BTBD7: variants seen among roughly 807,000 people sequenced by gnomAD.
BTBD7 encodes BTB/POZ domain-containing protein 7.
A neutral mutation model predicts 99.9 loss-of-function variants in BTBD7; 38 were observed. The ratio of observed to expected loss-of-function variants is 0.38; its 90% CI spans 0.29 to 0.50. BTBD7 has a LOEUF of 0.50. Among genes scored for constraint, BTBD7 ranks in the 20% least tolerant of loss-of-function variants. The pLI is 0.93. For missense variants in BTBD7, 1,170 were observed against 1,394.6 expected, an observed-to-expected ratio of 0.84 and a Z score of 2.57; for synonymous variants, 520 against 511.4, an observed-to-expected ratio of 1.02 and a Z score of -0.23.
intron 3 of BTBD7, among the ~76,000 whole-genome samples, chr14:93,282,481 C>T (rs1425784379): frequency 2.0e-5 from 3 of 151,910 alleles, no homozygotes; most frequent in Admixed American, 1.3e-4. Flanking sequence ...TACAGGCATC[C>T]GCCACCACAC....
intron 1 of BTBD7, among the ~76,000 whole-genome samples, chr14:93,313,375 G>A (rs537197863): frequency 2.0e-5 from 3 of 152,288 alleles, no homozygotes; most frequent in Non-Finnish European, 4.4e-5. Flanking sequence ...TGCAAATGAA[G>A]ATTAGTTAGT....
Position 93,238,325 on chromosome 14 carries a change from GACA to G in BTBD7, c.*3945_*3947del, listed in dbSNP as rs1392044690. 1.3e-5 allele frequency: 2 copies of G among 152,444 alleles called. No homozygotes were observed. Among genetic ancestry groups the G allele is most frequent in the African/African-American group, 2.4e-5 (1 of 41,420 alleles). The allele number at this position is 152,444 out of a possible 1,614,324, so 9.4% of individuals were successfully genotyped here. A position where few individuals can be genotyped will look rare whatever the true frequency, so the allele number is the denominator to read the frequency against. ...GATATGACAATCTACAGGACAAAAAGACAACATGTCACCAAATATTGTTCATAC... is the reference window on the plus strand; with the variant it reads ...GATATGACAATCTACAGGACAAAAAGACATGTCACCAAATATTGTTCATAC... On this transcript the variant is annotated 3_prime_UTR_variant, in exon 11 of 11. Coordinates refer to ENST00000334746, the MANE Select transcript of BTBD7 (RefSeq NM_001002860.4).
intron 1 of BTBD7, among the ~76,000 whole-genome samples, chr14:93,300,635 A>G (rs2052983319): frequency 6.6e-6 from 1 of 150,766 alleles, no homozygotes; most frequent in Non-Finnish European, 1.5e-5. Context: ...TCCCAGGCTC[A>G]ACCAATCCTC....
At chr14:93,327,549 T>C (rs2139835460) in intron 1 of BTBD7, among the ~76,000 whole-genome samples, 1 of 152,320 alleles carries the variant, frequency 6.6e-6, no homozygotes, top group Non-Finnish European at 1.5e-5. Context: ...AAATTCTTTC[T>C]TTTCAGCACC....
chr14:93,320,211 C>T (rs1245323641), intron 1 of BTBD7, among the ~76,000 whole-genome samples: 4 of 152,120 alleles, frequency 2.6e-5, no homozygotes, highest in Non-Finnish European at 5.9e-5. Context: ...AGTAAGTGGA[C>T]AGAATGATGT....
chr14:93,330,585 T>C (rs574608057), intron 1 of BTBD7, among the ~76,000 whole-genome samples: 1 of 152,362 alleles, frequency 6.6e-6, no homozygotes, highest in East Asian at 1.9e-4. Flanking sequence ...CAATAAGAAC[T>C]TGAGGGAAAA....
At chr14:93,252,861 G>A (rs148761314) in intron 7 of BTBD7, among the ~76,000 whole-genome samples, 7 of 150,482 alleles carry the variant, frequency 4.7e-5, no homozygotes, top group South Asian at 2.1e-4. Context: ...TTACTCTGTC[G>A]CCCAGGTTGG....
chr14:93,306,005 C>T lies in BTBD7; in HGVS notation c.-106-9848G>A, dbSNP rs1012408217. On this transcript the variant is annotated intron_variant, in intron 1 of 10. Coordinates refer to ENST00000334746, the MANE Select transcript of BTBD7 (RefSeq NM_001002860.4). ...TCCTAATTACTTTCCAAAGGCCCTA[C>T]GTTCAACTGACATACAGATTTGGGG... Among the ~76,000 whole-genome samples, 6 of 152,310 alleles carry T rather than the reference C, an allele frequency of 3.9e-5. No homozygotes were observed. In the South Asian group the frequency reaches 6.2e-4, roughly 16 times the overall value.
chr14:93,243,900 A>G (rs1331283653), intron 10 of BTBD7: 1 of 158,892 alleles, frequency 6.3e-6, no homozygotes, highest in Non-Finnish European at 1.4e-5. Context: ...AATCTGGTTT[A>G]TCAAACATGA....
chr14:93,253,712 G>T lies in BTBD7; in HGVS notation c.1687C>A (p.Arg563=). The T allele has an allele frequency of 1.9e-6, 3 of 1,613,172 alleles. No homozygotes were observed. Among genetic ancestry groups the T allele is most frequent in the Non-Finnish European group, 1.7e-6 (2 of 1,179,448 alleles). ...ACATAGATGCCAGCATTTTTTTGCC[G>T]TAACCAGGCATTTGACTTCCCACCT... The part of the protein sequence containing the change: ...TEGGKSNAWL[R]QKNAGIYVRP... The change falls in exon 7 of 11, where the codon CGG becomes AGG. Residue 563 remains arginine (R), a synonymous_variant. Transcript: ENST00000334746.
intron 3 of BTBD7, among the ~76,000 whole-genome samples, chr14:93,270,118 T>A (rs188393688): frequency 6.6e-6 from 1 of 152,194 alleles, no homozygotes; most frequent in African/African-American, 2.4e-5. Flanking sequence ...TTTTTTGAGA[T>A]GGAGTTTCAC....
rs921567960 is a variant in BTBD7 at position 93,253,642 on chromosome 14, A to G, written c.1752+5T>C. 1 of 1,609,006 alleles carries G rather than the reference A, an allele frequency of 6.2e-7. No homozygotes were observed. Among genetic ancestry groups the G allele is most frequent in the African/African-American group, 1.3e-5 (1 of 74,860 alleles). On this transcript the variant is annotated splice_donor_5th_base_variant and intron_variant, in intron 7 of 10. Coordinates refer to ENST00000334746, the MANE Select transcript of BTBD7 (RefSeq NM_001002860.4). ...AGTCTACTATCTTCAAATGGTTTTC[A>G]TTACCTTTGCTTCTTCCACATAGGG...
At chr14:93,329,585 T>C (rs927897084) in intron 1 of BTBD7, among the ~76,000 whole-genome samples, 1 of 152,096 alleles carries the variant, frequency 6.6e-6, no homozygotes, top group Admixed American at 6.6e-5. Context: ...AATATAAAAA[T>C]AACATACAAT....
intron 5 of BTBD7, among the ~76,000 whole-genome samples, chr14:93,259,303 T>C (rs1190378421): frequency 6.6e-6 from 1 of 152,196 alleles, no homozygotes; most frequent in East Asian, 1.9e-4. Context: ...ATGTATTATC[T>C]CTGTATGGCA....
At chr14:93,297,308 A>G (rs923328726) in intron 1 of BTBD7, among the ~76,000 whole-genome samples, 3 of 152,236 alleles carry the variant, frequency 2.0e-5, no homozygotes, top group African/African-American at 7.2e-5. Flanking sequence ...AATCTTTTAT[A>G]GACTATATTT....
chr14:93,281,568 A>C (rs2052720426), intron 3 of BTBD7, among the ~76,000 whole-genome samples: 1 of 152,246 alleles, frequency 6.6e-6, no homozygotes, highest in African/African-American at 2.4e-5. Context: ...TAACTTAAAA[A>C]ACATCAGTTA....
At chr14:93,254,041 G>A (rs1030968598) in intron 6 of BTBD7, among the ~76,000 whole-genome samples, 3 of 151,480 alleles carry the variant, frequency 2.0e-5, no homozygotes, top group African/African-American at 4.9e-5. Context: ...GGATTCAAGC[G>A]ATTCTCCTGC....
chr14:93,262,429 T>C (rs971851210), intron 4 of BTBD7, among the ~76,000 whole-genome samples: 4 of 152,082 alleles, frequency 2.6e-5, no homozygotes, highest in Admixed American at 6.6e-5. Flanking sequence ...TTTGTACAAA[T>C]GGGGTCCCAC....
At chr14:93,257,061 G>A (rs2052438281) in intron 6 of BTBD7, 134 bp downstream of exon 6, 1 of 839,756 alleles carries the variant, frequency 1.2e-6, no homozygotes, top group Non-Finnish European at 1.8e-6. Flanking sequence ...GTACACAATA[G>A]ACATCTGTCT....
Sources: allele counts gnomAD v4.1 joint callset (sites outside exome capture counted in the v4.1 genomes callset), GRCh38; gene constraint gnomAD v4.1.1; transcripts MANE v1.5; gene names NCBI Gene and HGNC (gene_info 2026-07-23, HGNC 2026-07-21).